Variants in PKP4 observed in about 807,000 individuals in gnomAD.
PKP4 encodes plakophilin 4.
Under a neutral mutation model 145.1 loss-of-function variants are expected in PKP4, and 90 were observed. The observed-to-expected ratio is 0.62, with a 90% CI of 0.52 to 0.74. PKP4 has a LOEUF of 0.74. PKP4 is among the 30% of genes least tolerant of loss of function. The probability of loss-of-function intolerance (pLI) is 0.00; values close to 1 mark genes in which losing one functional copy is unlikely to be tolerated. For missense variants in PKP4, 1,340 were observed against 1,482.7 expected (o/e 0.90, Z 1.58); for synonymous variants, 563 against 577.2 (o/e 0.98, Z 0.35).
chr2:158,658,293 G>A lies in PKP4; in HGVS notation c.2072G>A (p.Arg691His), dbSNP rs748941464. 4.6e-5 allele frequency: 73 copies of A among 1,597,382 alleles called. 1 individual carries two copies. Among genetic ancestry groups the A allele is most frequent in the Middle Eastern group, 1.7e-4 (1 of 6,034 alleles). Residue 691 changes from arginine to histidine, a missense_variant, in exon 12 of 22, where the codon CGT (arginine) becomes CAT (histidine). Physicochemically the swap from Arg to His is conservative, Grantham distance 29 (BLOSUM62 0). Coordinates refer to ENST00000389759, the MANE Select transcript of PKP4 (RefSeq NM_003628.6). ...AAATTTCAGACTTCACTAGTTCTGCGTAACACGACAGGTTGCCTAAGGTAA... is the reference window on the plus strand; with the variant it reads ...AAATTTCAGACTTCACTAGTTCTGCATAACACGACAGGTTGCCTAAGGTAA... The part of the protein sequence containing the change: ...KIKFQTSLVL[R>H]NTTGCLRNLS...
chr2:158,640,893 T>A, intron 10 of PKP4, 134 bp downstream of exon 10: 3 of 902,654 alleles, frequency 3.3e-6, no homozygotes, highest in Non-Finnish European at 3.4e-6. Flanking sequence ...TACCAGATAC[T>A]CTTTCACTTA....
chr2:158,574,067 T>G (rs3771614), intron 2 of PKP4, among the ~76,000 whole-genome samples: 78,207 of 151,838 alleles, frequency 0.52, 20,478 homozygotes, highest in South Asian at 0.69. Flanking sequence ...TCATCTATTC[T>G]CTTAATTCTC....
chr2:158,676,587 TC>T, intron 19 of PKP4, 151 bp from the exon 20 acceptor site: 1 of 927,970 alleles, frequency 1.1e-6, no homozygotes, highest in Admixed American at 1.9e-5. Flanking sequence ...TAGCTGCTCT[TC>T]CACTCCCAGC....
At chr2:158,464,096 CAAG>C (rs1690208156) in intron 1 of PKP4, among the ~76,000 whole-genome samples, 2 of 152,268 alleles carry the variant, frequency 1.3e-5, no homozygotes, top group Admixed American at 6.5e-5. Context: ...TGGATAGAAA[CAAG>C]AAAGGGGATT....
Position 158,623,167 on chromosome 2 carries a change from TTTG to T in PKP4, c.604-1702_604-1700del, listed in dbSNP as rs2052417293. Among the ~76,000 whole-genome samples the T allele has an allele frequency of 2.0e-5, 3 of 152,276 alleles. No homozygotes were observed. The South Asian group carries it at 6.2e-4, about 32-fold the overall frequency. ...ACTATTACCACCCAATCATGCTTTT[TTTG>T]TTGTTGTTCTTAATTAATAGAGACA... is the stretch of plus-strand genomic sequence containing the variant. On this transcript the variant is annotated intron_variant, in intron 6 of 21. Coordinates refer to ENST00000389759, the MANE Select transcript of PKP4 (RefSeq NM_003628.6).
chr2:158,462,221 G>A (rs1310694447), intron 1 of PKP4, among the ~76,000 whole-genome samples: 1 of 152,144 alleles, frequency 6.6e-6, no homozygotes, highest in Admixed American at 6.5e-5. Context: ...CAGAAATTAG[G>A]AGATCTGCCA....
chr2:158,650,340 T>A (rs1183966226), intron 11 of PKP4, among the ~76,000 whole-genome samples: 2 of 152,186 alleles, frequency 1.3e-5, no homozygotes, highest in Non-Finnish European at 2.9e-5. Context: ...ATGTCATTAA[T>A]CCTCAAAACA....
chr2:158,588,883 T>C (rs1458827991), intron 3 of PKP4: 1 of 152,174 alleles, frequency 6.6e-6, no homozygotes, highest in Non-Finnish European at 1.5e-5. Context: ...TTTCCTGTTT[T>C]CTAGAGCTAC....
intron 1 of PKP4, among the ~76,000 whole-genome samples, chr2:158,511,076 T>A (rs1450225796): frequency 6.6e-6 from 1 of 152,116 alleles, no homozygotes; most frequent in Non-Finnish European, 1.5e-5. Flanking sequence ...GGAGGGAGCA[T>A]GCAGAGCTCT....
rs532351658 is a variant in PKP4 at position 158,458,495 on chromosome 2, A to G, written c.-6+1277A>G. Among the ~76,000 whole-genome samples, 6 of 152,282 alleles carry G rather than the reference A, an allele frequency of 3.9e-5. No individual in the cohort carries two copies. In the East Asian group the frequency reaches 1.2e-3, roughly 29 times the overall value. ...TGATCATTGCACAGGGCTGTTGGCAAGTTTGGTGTGCAAGGTTTGGATAGT... is the reference window on the plus strand; with the variant it reads ...TGATCATTGCACAGGGCTGTTGGCAGGTTTGGTGTGCAAGGTTTGGATAGT... On this transcript the variant is annotated intron_variant, in intron 1 of 21. Transcript: ENST00000389759.
intron 1 of PKP4, among the ~76,000 whole-genome samples, chr2:158,481,543 C>G (rs1693358194): frequency 6.6e-6 from 1 of 152,160 alleles, no homozygotes; most frequent in Admixed American, 6.5e-5. Flanking sequence ...CACATTCTCA[C>G]CAACGCATGT....
intron 7 of PKP4, among the ~76,000 whole-genome samples, chr2:158,630,355 G>A (rs986201146): frequency 2.3e-4 from 35 of 152,246 alleles, no homozygotes; most frequent in Admixed American, 2.3e-3. Context: ...TAAGGTTCAT[G>A]TACTACTAAC....
chr2:158,520,983 C>G (rs926211252), intron 1 of PKP4, among the ~76,000 whole-genome samples: 13 of 152,198 alleles, frequency 8.5e-5, no homozygotes, highest in Non-Finnish European at 1.9e-4. Context: ...ATCCATTCTT[C>G]TGTTAATAGT....
rs759725040 is a variant in PKP4, at chr2:158,634,201, T to C, written c.1474T>C (p.Cys492Arg). ...GCCTATACAATACCGAGTGCAAGAGTGCAATTATAACAGGCTTCAGCATGC... is the reference window on the plus strand; with the variant it reads ...GCCTATACAATACCGAGTGCAAGAGCGCAATTATAACAGGCTTCAGCATGC... Reference protein sequence around the residue: ...YRPIQYRVQECNYNRLQHAVP... With the variant: ...YRPIQYRVQERNYNRLQHAVP... Residue 492 changes from cysteine to arginine, a missense_variant, in exon 9 of 22, where the codon TGC (cysteine) becomes CGC (arginine). Cys to Arg is a radical substitution (Grantham distance 180). Transcript: ENST00000389759. 2 of 1,613,704 alleles carry C rather than the reference T, an allele frequency of 1.2e-6. No homozygotes were observed. The highest frequency in any genetic ancestry group is 2.7e-5 in the African/African-American group (2 of 74,794).
At chr2:158,522,996 G>T (rs1005431316) in intron 1 of PKP4, among the ~76,000 whole-genome samples, 174 of 151,552 alleles carry the variant, frequency 1.1e-3, no homozygotes, top group Admixed American at 2.0e-3. Flanking sequence ...ACGGAATCTC[G>T]CTGATTGCTA....
At chr2:158,475,565 A>G (rs927624583) in intron 1 of PKP4, among the ~76,000 whole-genome samples, 1 of 152,238 alleles carries the variant, frequency 6.6e-6, no homozygotes, top group Non-Finnish European at 1.5e-5. Flanking sequence ...TAGAATTTTT[A>G]GCCAGAAGAC....
rs570140863 is a variant in PKP4 at position 158,497,266 on chromosome 2, G to A, written c.-5-35914G>A. Reference sequence around the variant, plus strand: ...GCTCCTATGTATTTTTAAATGACTAGAGTGATATTCTAACAATACTTTCAG... The same window carrying A: ...GCTCCTATGTATTTTTAAATGACTAAAGTGATATTCTAACAATACTTTCAG... On this transcript the variant is annotated intron_variant, in intron 1 of 21. Coordinates refer to ENST00000389759, the MANE Select transcript of PKP4 (RefSeq NM_003628.6). Among the ~76,000 whole-genome samples, 4 of 152,298 alleles carry A rather than the reference G, an allele frequency of 2.6e-5. No homozygotes were observed. The East Asian group carries it at 7.7e-4, about 29-fold the overall frequency.
intron 4 of PKP4, among the ~76,000 whole-genome samples, chr2:158,618,011 C>T (rs1026676084): frequency 6.6e-6 from 1 of 152,094 alleles, no homozygotes; most frequent in Non-Finnish European, 1.5e-5. Context: ...GGTGAAACCC[C>T]ATCTTTACTA....
intron 3 of PKP4, among the ~76,000 whole-genome samples, chr2:158,583,307 A>T (rs1177640820): frequency 2.6e-5 from 4 of 152,140 alleles, no homozygotes; most frequent in Admixed American, 6.5e-5. Flanking sequence ...TAGATTCTGT[A>T]CCTATCTACT....
Sources: gnomAD v4.1 joint callset for allele counts (sites outside exome capture counted in the v4.1 genomes callset) on GRCh38, gnomAD v4.1.1 for gene constraint, MANE v1.5 for transcripts, NCBI Gene and HGNC (gene_info 2026-07-23, HGNC 2026-07-21) for gene names.